Variants in CAPN9 observed in about 807,000 individuals in gnomAD.
The protein encoded by CAPN9 is calpain 9, also known as calpain-9.
In CAPN9, 81 loss-of-function variants were observed where a neutral mutation model predicts 92.8. The observed-to-expected ratio is 0.87, with a 90% confidence interval of 0.73 to 1.05. The LOEUF (loss-of-function observed/expected upper bound fraction) is 1.05. Ranked by LOEUF, CAPN9 falls within the 50% of genes least tolerant of loss-of-function variation. The pLI, the probability that CAPN9 is intolerant of heterozygous loss-of-function variation, is 0.00. For synonymous variants in CAPN9, 304 were observed against 328.0 expected (o/e 0.93, Z 0.79); for missense variants, 848 against 866.2 (o/e 0.98, Z 0.26).
chr1:230,771,283 T>C (rs1381666536), intron 6 of CAPN9, among the ~76,000 whole-genome samples: 1 of 152,264 alleles, frequency 6.6e-6, no homozygotes, highest in Non-Finnish European at 1.5e-5. Flanking sequence ...TAAAACATTC[T>C]GACTGCTACA....
At chr1:230,751,356 C>G (rs1371841514) in intron 1 of CAPN9, among the ~76,000 whole-genome samples, 1 of 151,720 alleles carries the variant, frequency 6.6e-6, no homozygotes, top group Non-Finnish European at 1.5e-5. Context: ...CCAGACCTTG[C>G]TGGAAATGTG....
At position 230,762,693 on chromosome 1, in the gene CAPN9, A is replaced by T; in HGVS notation, c.443A>T (p.Asp148Val). 3 of 1,614,096 alleles carry T rather than the reference A, an allele frequency of 1.9e-6. No homozygotes were observed. The highest frequency in any genetic ancestry group is 2.5e-6 in the Non-Finnish European group (3 of 1,180,000). ...HSEWLDVVIDDRLPTFRDRLV... is the reference protein window; with the variant it reads ...HSEWLDVVIDVRLPTFRDRLV... ...GAGTGGCTGGACGTGGTGATCGATG[A>T]CCGCCTGCCCACCTTCAGGGACCGC... is the stretch of plus-strand genomic sequence containing the variant. Residue 148 changes from aspartate (D) to valine (V), a missense_variant, in exon 4 of 20, where the codon GAC becomes GTC. Transcript: ENST00000271971.
Position 230,769,211 on chromosome 1 carries a change from C to A in CAPN9, c.737C>A (p.Thr246Lys). The A allele has an allele frequency of 1.2e-6, 2 of 1,614,122 alleles. No individual in the cohort carries two copies. The highest frequency in any genetic ancestry group is 1.1e-5 in the South Asian group (1 of 91,084). ...AGTGCTGCAGAATCTGAGGCCCGGA[C>A]GCCGTTTGGTCTTATTAAGGGTCAT... ...TRSAAESEARTPFGLIKGHAY... is the reference protein window; with the variant it reads ...TRSAAESEARKPFGLIKGHAY... Residue 246 changes from threonine (T) to lysine (K), a missense_variant, in exon 6 of 20, where the codon ACG (threonine) becomes AAG (lysine). Thr to Lys is a moderately conservative substitution (Grantham distance 78, BLOSUM62 -1). Coordinates refer to ENST00000271971, the MANE Select transcript of CAPN9 (RefSeq NM_006615.3).
At chr1:230,751,730 G>GA (rs574744736) in intron 1 of CAPN9, among the ~76,000 whole-genome samples, 1 of 152,062 alleles carries the variant, frequency 6.6e-6, no homozygotes, top group African/African-American at 2.4e-5. Context: ...CTTAGTAGAG[G>GA]AAAGTGTGTC....
intron 19 of CAPN9, among the ~76,000 whole-genome samples, chr1:230,798,857 C>A (rs1668513765): frequency 6.6e-6 from 1 of 152,212 alleles, no homozygotes; most frequent in Admixed American, 6.5e-5. Context: ...GTGCCAGGCC[C>A]TGCCCCAGAC....
chr1:230,760,635 G>A (rs1665572235), intron 3 of CAPN9, among the ~76,000 whole-genome samples: 1 of 152,172 alleles, frequency 6.6e-6, no homozygotes, highest in Non-Finnish European at 1.5e-5. Context: ...CGCCGGCTGG[G>A]GACAGAGCCA....
chr1:230,801,728 A>G lies in CAPN9; in HGVS notation c.*132A>G. ...TCTCATCGTCCGGCCTTCTCCCTTC[A>G]TCTTGATCTGGGAAGAATGAAATGA... On this transcript the variant is annotated 3_prime_UTR_variant, in exon 20 of 20. Transcript: ENST00000271971. The G allele has an allele frequency of 1.2e-6, 1 of 822,080 alleles. No homozygotes were observed. The highest frequency in any genetic ancestry group is 1.8e-5 in the Admixed American group (1 of 54,820). 50.9% of individuals were successfully genotyped at this position (822,080 alleles called of 1,614,324 possible). A position where few individuals can be genotyped will look rare whatever the true frequency, so the allele number is the denominator to read the frequency against.
At position 230,779,013 on chromosome 1, in the gene CAPN9, G is replaced by C; in HGVS notation, c.994G>C (p.Glu332Gln). The C allele has an allele frequency of 6.2e-7, 1 of 1,612,688 alleles. No homozygotes were observed. ...CTTCAAGGCCCACTTTGATAAAGTG[G>C]AGATCTGCAACCTCACTCCCGATGC... ...KDFKAHFDKV[E>Q]ICNLTPDALE... The change falls in exon 9 of 20, where the codon GAG (glutamate) becomes CAG (glutamine). Residue 332 changes from glutamate (E) to glutamine (Q), a missense_variant. Glu to Gln is a conservative substitution (Grantham distance 29). Coordinates refer to ENST00000271971, the MANE Select transcript of CAPN9 (RefSeq NM_006615.3).
chr1:230,778,879 T>C, intron 8 of CAPN9, 94 bp from the exon 9 acceptor site: 2 of 1,173,630 alleles, frequency 1.7e-6, no homozygotes, highest in South Asian at 1.5e-5. Flanking sequence ...AACAAGATGA[T>C]TTAATGAATA....
rs1668103456 is a variant in CAPN9 at position 230,792,892 on chromosome 1, T to C, written c.1834T>C (p.Ser612Pro). ...TGATGCTGACAAGTCCGGCACCATGTCTACCTATGAACTACGGACTGCACT... is the reference window on the plus strand; with the variant it reads ...TGATGCTGACAAGTCCGGCACCATGCCTACCTATGAACTACGGACTGCACT... ...RFDADKSGTM[S>P]TYELRTALKA... The change falls in exon 17 of 20, where the codon TCT becomes CCT. Residue 612 changes from serine (S) to proline (P), a missense_variant. Physicochemically the swap from Ser to Pro is moderately conservative, Grantham distance 74. Coordinates refer to ENST00000271971, the MANE Select transcript of CAPN9 (RefSeq NM_006615.3). 1 of 1,613,994 alleles carries C rather than the reference T, an allele frequency of 6.2e-7. No individual in the cohort carries two copies. The highest frequency in any genetic ancestry group is 1.3e-5 in the African/African-American group (1 of 74,946).
At chr1:230,760,060 A>C (rs1665534639) in intron 3 of CAPN9, among the ~76,000 whole-genome samples, 1 of 152,160 alleles carries the variant, frequency 6.6e-6, no homozygotes, top group South Asian at 2.1e-4. Flanking sequence ...AAAACTGAGA[A>C]AAATACAGAC....
intron 14 of CAPN9, 110 bp downstream of exon 14, chr1:230,790,299 G>A: frequency 7.0e-7 from 1 of 1,436,246 alleles, no homozygotes; most frequent in Non-Finnish European, 9.2e-7. Context: ...TCCCAGGGCT[G>A]ATTTGTAGGT....
intron 3 of CAPN9, among the ~76,000 whole-genome samples, chr1:230,761,875 A>G (rs1384502671): frequency 6.6e-6 from 1 of 152,184 alleles, no homozygotes; most frequent in Non-Finnish European, 1.5e-5. Context: ...ACAAGCTCAT[A>G]CACATGCATA....
intron 1 of CAPN9, among the ~76,000 whole-genome samples, chr1:230,753,091 C>A (rs966200104): frequency 2.2e-4 from 33 of 152,264 alleles, no homozygotes; most frequent in African/African-American, 7.9e-4. Context: ...TCCGCACAGG[C>A]AAGCCAAGCC....
At chr1:230,753,105 A>G (rs1572009559) in intron 1 of CAPN9, among the ~76,000 whole-genome samples, 3 of 151,802 alleles carry the variant, frequency 2.0e-5, no homozygotes, top group Admixed American at 2.0e-4. Flanking sequence ...CCAAGCCAGG[A>G]CCCCAGAACT....
In CAPN9 at chr1:230,798,160, A is replaced by T. The variant is rs1009355866; in HGVS notation, c.1988-2A>T. On this transcript the variant is annotated splice_acceptor_variant, in intron 18 of 19. Transcript: ENST00000271971. LOFTEE classifies it high-confidence loss of function. ...ATGCCTTTCCCCCTTCTCTCCTATC[A>T]GGGGTGTTCCAGGCTCTCAGTACAA... is the stretch of plus-strand genomic sequence containing the variant. The T allele has an allele frequency of 4.4e-6, 7 of 1,605,556 alleles. No homozygotes were observed. The highest frequency in any genetic ancestry group is 1.7e-5 in the Admixed American group (1 of 59,960).
chr1:230,772,966 A>G (rs3790972), intron 7 of CAPN9, among the ~76,000 whole-genome samples: 49,056 of 151,542 alleles, frequency 0.32, 8,213 homozygotes, highest in South Asian at 0.48. Context: ...GCCTGCCTGA[A>G]GCTGTTGCTC....
chr1:230,753,263 T>C (rs1244342618), intron 1 of CAPN9, among the ~76,000 whole-genome samples: 3 of 151,804 alleles, frequency 2.0e-5, no homozygotes, highest in Non-Finnish European at 4.4e-5. Context: ...ATTTGGGAGG[T>C]CCTTACTTCT....
chr1:230,795,062 C>T (rs113741139), intron 17 of CAPN9, 101 bp from the exon 18 acceptor site: 2 of 738,322 alleles, frequency 2.7e-6, no homozygotes. Flanking sequence ...GCTTCCTCTT[C>T]TGAGCCCTCT....
Sources: gnomAD v4.1 joint callset for allele counts (sites outside exome capture counted in the v4.1 genomes callset) on GRCh38, gnomAD v4.1.1 for gene constraint, MANE v1.5 for transcripts, NCBI Gene and HGNC (gene_info 2026-07-23, HGNC 2026-07-21) for gene names.